The following PDE9A variants were observed in gnomAD, a reference collection of about 807,000 sequenced individuals.
The protein encoded by PDE9A is phosphodiesterase 9A.
In PDE9A, 60 loss-of-function variants were observed where a neutral mutation model predicts 87.4. The observed-to-expected ratio is 0.69, with a 90% CI of 0.56 to 0.85. The LOEUF is 0.85. Ranked by LOEUF, PDE9A falls within the 40% of genes least tolerant of loss-of-function variation. The pLI is 0.00. For missense variants in PDE9A, 665 were observed against 779.0 expected (o/e 0.85, Z 1.74); for synonymous variants, 272 against 279.4 (o/e 0.97, Z 0.27).
rs376815733 is a variant in PDE9A at position 42,699,028 on chromosome 21, G to A, written c.262+17G>A. Reference sequence around the variant, plus strand: ...AACTCTCCGGTAAGGCCCTGCTGTCGTTTTTTAAACTAAAAGAAGGAAAAA... The same window carrying A: ...AACTCTCCGGTAAGGCCCTGCTGTCATTTTTTAAACTAAAAGAAGGAAAAA... On this transcript the variant is annotated intron_variant, in intron 4 of 19. Coordinates refer to ENST00000291539, the MANE Select transcript of PDE9A (RefSeq NM_002606.3). The A allele has an allele frequency of 7.4e-5, 117 of 1,585,622 alleles. No individual in the cohort carries two copies. The highest frequency in any genetic ancestry group is 3.3e-4 in the Middle Eastern group (2 of 5,998).
intron 10 of PDE9A, among the ~76,000 whole-genome samples, chr21:42,756,600 GGGCCC>G: frequency 6.6e-6 from 1 of 151,766 alleles, no homozygotes; most frequent in African/African-American, 2.4e-5. Context: ...TATCCTCCGA[GGGCCC>G]AGGGCTGTGG....
At chr21:42,735,647 T>A (rs1352282688) in intron 7 of PDE9A, among the ~76,000 whole-genome samples, 1 of 152,218 alleles carries the variant, frequency 6.6e-6, no homozygotes, top group African/African-American at 2.4e-5. Flanking sequence ...TCTCCCAGGA[T>A]GTCTCCATGT....
chr21:42,700,787 T>G (rs1401320904), intron 4 of PDE9A: 1 of 152,268 alleles, frequency 6.6e-6, no homozygotes, highest in African/African-American at 2.4e-5. Flanking sequence ...GGGCCATGTA[T>G]GTGTGAGTCT....
chr21:42,700,815 C>G (rs1439888564), intron 4 of PDE9A: 1 of 152,198 alleles, frequency 6.6e-6, no homozygotes, highest in Non-Finnish European at 1.5e-5. Context: ...GACTCCAGAT[C>G]CTGTCGTGTG....
intron 1 of PDE9A, among the ~76,000 whole-genome samples, chr21:42,664,943 T>A (rs2057862196): frequency 6.6e-6 from 1 of 152,224 alleles, no homozygotes. Context: ...TGCTAACCTG[T>A]GAATGTCCCG....
intron 1 of PDE9A, among the ~76,000 whole-genome samples, chr21:42,663,962 G>C (rs1472025362): frequency 6.6e-6 from 1 of 152,208 alleles, no homozygotes; most frequent in East Asian, 1.9e-4. Flanking sequence ...CTGGGGTCTG[G>C]AGTTTGTGAT....
At chr21:42,726,221 C>T (rs147040033) in intron 4 of PDE9A, among the ~76,000 whole-genome samples, 16 of 152,290 alleles carry the variant, frequency 1.1e-4, no homozygotes, top group African/African-American at 3.9e-4. Context: ...AAGTCTTTGT[C>T]AGATACGTGT....
intron 1 of PDE9A, among the ~76,000 whole-genome samples, chr21:42,683,083 G>A (rs745580254): frequency 3.3e-5 from 5 of 152,192 alleles, no homozygotes; most frequent in African/African-American, 4.8e-5. Context: ...TAACAGAGCC[G>A]GAAAGTCCAA....
chr21:42,769,568 A>G (rs933999792), intron 17 of PDE9A, among the ~76,000 whole-genome samples: 59 of 146,714 alleles, frequency 4.0e-4, no homozygotes, highest in Non-Finnish European at 7.0e-4. Context: ...GCACACACAC[A>G]CACACACATG....
chr21:42,720,085 G>A (rs2050344673), intron 4 of PDE9A, among the ~76,000 whole-genome samples: 5 of 152,170 alleles, frequency 3.3e-5, no homozygotes, highest in Admixed American at 2.0e-4. Context: ...CACACACACA[G>A]GCTGTCAGAT....
At chr21:42,754,801 T>C (rs2054847518) in intron 10 of PDE9A, among the ~76,000 whole-genome samples, 1 of 152,164 alleles carries the variant, frequency 6.6e-6, no homozygotes, top group African/African-American at 2.4e-5. Context: ...TTTAAGTGAC[T>C]TTCTCCTTCT....
intron 3 of PDE9A, chr21:42,697,386 C>G (rs781005493): frequency 6.9e-7 from 1 of 1,448,676 alleles, no homozygotes; most frequent in African/African-American, 1.4e-5. Flanking sequence ...GTGTATACCC[C>G]TCCATATTCA....
intron 1 of PDE9A, among the ~76,000 whole-genome samples, chr21:42,672,619 C>T (rs2058623601): frequency 6.6e-6 from 1 of 152,278 alleles, no homozygotes; most frequent in South Asian, 2.1e-4. Context: ...TGGGGCCTGC[C>T]TGCAAAGACA....
intron 2 of PDE9A, among the ~76,000 whole-genome samples, chr21:42,687,089 T>C (rs950019397): frequency 1.3e-5 from 2 of 152,202 alleles, no homozygotes; most frequent in Admixed American, 1.3e-4. Context: ...CCAGTGAATT[T>C]TCTAATTATC....
chr21:42,670,359 C>T (rs2058417877), intron 1 of PDE9A, among the ~76,000 whole-genome samples: 4 of 121,012 alleles, frequency 3.3e-5, no homozygotes, highest in Non-Finnish European at 6.6e-5. Flanking sequence ...CACACACATC[C>T]ACACACACAT....
At chr21:42,685,135 G>A (rs2059380895) in intron 1 of PDE9A, among the ~76,000 whole-genome samples, 1 of 152,236 alleles carries the variant, frequency 6.6e-6, no homozygotes. Context: ...CTGCGATGAA[G>A]GCGGGGCCTC....
intron 1 of PDE9A, among the ~76,000 whole-genome samples, chr21:42,668,103 C>T (rs960134836): frequency 6.6e-6 from 1 of 152,136 alleles, no homozygotes; most frequent in Non-Finnish European, 1.5e-5. Context: ...TCTTTTCACC[C>T]ATGTCCAGCC....
intron 1 of PDE9A, among the ~76,000 whole-genome samples, chr21:42,681,618 C>T (rs915527753): frequency 6.6e-6 from 1 of 152,138 alleles, no homozygotes; most frequent in African/African-American, 2.4e-5. Context: ...GCATCAATTT[C>T]CAGTGGGGGA....
At chr21:42,681,579 A>T (rs2059167041) in intron 1 of PDE9A, among the ~76,000 whole-genome samples, 1 of 152,194 alleles carries the variant, frequency 6.6e-6, no homozygotes, top group South Asian at 2.1e-4. Flanking sequence ...TCCCGCTGAC[A>T]TTCCCAGGTC....
Sources: gnomAD v4.1 joint callset for allele counts (sites outside exome capture counted in the v4.1 genomes callset) on GRCh38, gnomAD v4.1.1 for gene constraint, MANE v1.5 for transcripts, NCBI Gene and HGNC (gene_info 2026-07-23, HGNC 2026-07-21) for gene names.